CLPB: variants seen among roughly 807,000 people sequenced by gnomAD.
CLPB encodes the protein mitochondrial disaggregase.
In CLPB, 40 loss-of-function variants were observed where a neutral mutation model predicts 78.4. The ratio of observed to expected loss-of-function variants is 0.51; its 90% confidence interval spans 0.40 to 0.66. The LOEUF (loss-of-function observed/expected upper bound fraction) is 0.66, where lower values mean the gene tolerates loss of function less well. CLPB is among the 30% of genes least tolerant of loss of function. The probability of loss-of-function intolerance (pLI) is 0.00; values close to 1 mark genes in which losing one functional copy is unlikely to be tolerated. For synonymous variants in CLPB, 333 were observed against 348.0 expected, an observed-to-expected ratio of 0.96 and a Z score of 0.48; for missense variants, 780 against 886.9, an observed-to-expected ratio of 0.88 and a Z score of 1.53.
chr11:72,322,166 C>T (rs1950055891), intron 6 of CLPB, among the ~76,000 whole-genome samples: 2 of 152,158 alleles, frequency 1.3e-5, no homozygotes, highest in Admixed American at 1.3e-4. Flanking sequence ...AGGCCGAAAA[C>T]AAAGCAGGTG....
chr11:72,307,029 C>A (rs1949758455), intron 9 of CLPB, among the ~76,000 whole-genome samples, 170 bp downstream of exon 9: 1 of 152,206 alleles, frequency 6.6e-6, no homozygotes, highest in African/African-American at 2.4e-5. Context: ...TTGCCCAAAT[C>A]TCTGGAGCAA....
At chr11:72,413,818 A>C in intron 2 of CLPB, among the ~76,000 whole-genome samples, 1 of 152,166 alleles carries the variant, frequency 6.6e-6, no homozygotes, top group East Asian at 1.9e-4. Flanking sequence ...TTGAGGTACT[A>C]CTTATTATGC....
At position 72,329,785 on chromosome 11, in the gene CLPB, C is replaced by A; in HGVS notation, c.795G>T (p.Arg265Ser). ...LLDGGANPLQ[R>S]NEMGHTPLDY... ...CCAAGGGTGTGTGTCCCATTTCATT[C>A]CTCTGCAGGGGGTTGGCTCCTGGCA... Residue 265 changes from arginine to serine, a missense_variant, in exon 6 of 16, where the codon AGG (arginine) becomes AGT (serine). Arg to Ser is a moderately radical substitution (Grantham distance 110). This residue lies in a region of CLPB where 417 missense variants were observed against 414.7 expected (regional missense o/e 1.01). Transcript: ENST00000538039. 1 of 1,613,858 alleles carries A rather than the reference C, an allele frequency of 6.2e-7. No homozygotes were observed. Among genetic ancestry groups the A allele is most frequent in the African/African-American group, 1.3e-5 (1 of 75,002 alleles).
At chr11:72,394,515 T>C (rs371297480) in intron 3 of CLPB, among the ~76,000 whole-genome samples, 53 of 152,250 alleles carry the variant, frequency 3.5e-4, no homozygotes, top group African/African-American at 1.2e-3. Flanking sequence ...GAACAGAGCA[T>C]TGGGCCCAGG....
chr11:72,350,441 T>C (rs1235247278), intron 5 of CLPB, among the ~76,000 whole-genome samples: 1 of 152,242 alleles, frequency 6.6e-6, no homozygotes, highest in African/African-American at 2.4e-5. Flanking sequence ...TATGCTCTTA[T>C]AGTACCCTCT....
At chr11:72,385,392 G>A (rs1382009474) in intron 3 of CLPB, among the ~76,000 whole-genome samples, 1 of 152,046 alleles carries the variant, frequency 6.6e-6, no homozygotes, top group East Asian at 1.9e-4. Flanking sequence ...ACCAAAAGAA[G>A]AAAACGTCTT....
At chr11:72,347,996 T>C (rs1670931108) in intron 5 of CLPB, among the ~76,000 whole-genome samples, 1 of 152,196 alleles carries the variant, frequency 6.6e-6, no homozygotes, top group Non-Finnish European at 1.5e-5. Context: ...ACAGGAAAGA[T>C]TCTCTCCTGG....
chr11:72,354,389 C>G, intron 5 of CLPB: 1 of 398,094 alleles, frequency 2.5e-6, no homozygotes, highest in Non-Finnish European at 4.4e-6. Flanking sequence ...TCTGGAGGAA[C>G]CTTGGTCAAG....
At chr11:72,298,276 G>A (rs1202827103) in intron 11 of CLPB, among the ~76,000 whole-genome samples, 2 of 152,130 alleles carry the variant, frequency 1.3e-5, no homozygotes, top group South Asian at 2.1e-4. Context: ...GGGTGAGGCT[G>A]CTTCCCTCAC....
chr11:72,352,867 T>A (rs1950638594), intron 5 of CLPB: 1 of 152,224 alleles, frequency 6.6e-6, no homozygotes, highest in African/African-American at 2.4e-5. Context: ...TATCCTAACT[T>A]CTTTATTTTA....
intron 6 of CLPB, among the ~76,000 whole-genome samples, chr11:72,328,200 G>A (rs1234867688): frequency 1.3e-5 from 2 of 152,228 alleles, no homozygotes; most frequent in Non-Finnish European, 2.9e-5. Flanking sequence ...CCTCTGGCAA[G>A]CAACTAGCAA....
At chr11:72,411,417 C>T (rs1027741801) in intron 2 of CLPB, among the ~76,000 whole-genome samples, 2 of 152,200 alleles carry the variant, frequency 1.3e-5, no homozygotes, top group Non-Finnish European at 1.5e-5. Context: ...CACTTACTAG[C>T]TATGTGACCA....
intron 2 of CLPB, among the ~76,000 whole-genome samples, chr11:72,411,575 C>T (rs1432805301): frequency 6.6e-6 from 1 of 152,168 alleles, no homozygotes; most frequent in Non-Finnish European, 1.5e-5. Context: ...TCCTAGCAGA[C>T]GCTGCACTCA....
intron 4 of CLPB, among the ~76,000 whole-genome samples, chr11:72,369,866 A>G (rs1426422331): frequency 6.6e-6 from 1 of 152,178 alleles, no homozygotes; most frequent in African/African-American, 2.4e-5. Flanking sequence ...TGCGTCAGGG[A>G]AGATGAATCT....
chr11:72,420,640 C>A (rs1856167596), intron 2 of CLPB, among the ~76,000 whole-genome samples: 1 of 152,210 alleles, frequency 6.6e-6, no homozygotes, highest in South Asian at 2.1e-4. Context: ...TAACCCATCC[C>A]AACAGAAGGT....
At chr11:72,378,845 T>C (rs1387187681) in intron 4 of CLPB, among the ~76,000 whole-genome samples, 1 of 152,108 alleles carries the variant, frequency 6.6e-6, no homozygotes, top group African/African-American at 2.4e-5. Context: ...AGAAAGGACA[T>C]ATGGGTAGAT....
At chr11:72,371,623 C>G (rs995103312) in intron 4 of CLPB, among the ~76,000 whole-genome samples, 2 of 150,788 alleles carry the variant, frequency 1.3e-5, no homozygotes, top group African/African-American at 4.9e-5. Flanking sequence ...CACAATGTTG[C>G]CCAGGCTGGT....
intron 9 of CLPB, chr11:72,302,710 C>A: frequency 3.4e-6 from 1 of 290,252 alleles, no homozygotes; most frequent in African/African-American, 2.2e-5. Context: ...ACCGGAGTTA[C>A]AACAGGGAAC....
At chr11:72,426,471 A>G (rs893757217) in intron 2 of CLPB, among the ~76,000 whole-genome samples, 33 of 151,164 alleles carry the variant, frequency 2.2e-4, no homozygotes, top group Middle Eastern at 3.4e-3. Flanking sequence ...CCAGGCTTCC[A>G]CTTCTGAGGA....
Sources: allele counts gnomAD v4.1 joint callset (sites outside exome capture counted in the v4.1 genomes callset), GRCh38; gene constraint gnomAD v4.1.1; regional missense constraint gnomAD v4.1.1; transcripts MANE v1.5; gene names NCBI Gene and HGNC (gene_info 2026-07-23, HGNC 2026-07-21).